KANK1: variants seen among roughly 807,000 people sequenced by gnomAD.
KANK1 encodes the protein KN motif and ankyrin repeat domains 1.
In KANK1, 109 loss-of-function variants were observed where a neutral mutation model predicts 106.2. That is an observed-to-expected ratio of 1.03 (90% CI 0.88 to 1.20). The LOEUF is 1.20. Ranked by LOEUF, KANK1 falls within the 50% of genes most tolerant of loss-of-function variation. The probability of loss-of-function intolerance (pLI) is 0.00; values close to 1 mark genes in which losing one functional copy is unlikely to be tolerated. For missense variants in KANK1, 2,399 were observed against 1,710.7 expected, an observed-to-expected ratio of 1.40 and a Z score of -7.10; for synonymous variants, 873 against 652.2, an observed-to-expected ratio of 1.34 and a Z score of -5.16.
chr9:729,222 A>G (rs966772494), intron 3 of KANK1, among the ~76,000 whole-genome samples: 3 of 152,242 alleles, frequency 2.0e-5, no homozygotes, highest in African/African-American at 7.2e-5. Flanking sequence ...GTTGATCAGA[A>G]CTGTTTGATG....
chr9:657,008 A>C (rs1295975636), intron 1 of KANK1, among the ~76,000 whole-genome samples: 3 of 152,070 alleles, frequency 2.0e-5, no homozygotes, highest in Non-Finnish European at 4.4e-5. Context: ...ATTTCACATG[A>C]CTAAAATGCT....
chr9:729,794 A>T (rs867875262), intron 3 of KANK1, among the ~76,000 whole-genome samples: 2 of 152,174 alleles, frequency 1.3e-5, no homozygotes, highest in Non-Finnish European at 2.9e-5. Flanking sequence ...TGCTACTTCC[A>T]TGACTAGAAA....
intron 9 of KANK1, among the ~76,000 whole-genome samples, chr9:741,604 C>T (rs999719346): frequency 6.6e-6 from 1 of 151,804 alleles, no homozygotes; most frequent in African/African-American, 2.4e-5. Context: ...TCTCCTGCCT[C>T]AGCCTCCCAA....
Position 521,615 on chromosome 9 carries a change from G to T in KANK1, c.-84+16861G>T, listed in dbSNP as rs568073251. Among the ~76,000 whole-genome samples the T allele has an allele frequency of 4.9e-4, 71 of 144,308 alleles. 2 individuals carry two copies. The South Asian group carries it at 0.015, about 31-fold the overall frequency. 94.7% of individuals were successfully genotyped at this position (144,308 alleles called of 152,430 possible). ...CAGAGTTTTGCTCGTCACCCAGGCT[G>T]GAGTGCAATGGTGTGATCTTGGGTC... is the stretch of plus-strand genomic sequence containing the variant. On this transcript the variant is annotated intron_variant, in intron 1 of 11. Coordinates refer to ENST00000382297, the MANE Select transcript of KANK1 (RefSeq NM_015158.5).
At chr9:672,274 T>C (rs1230533836) in intron 1 of KANK1, among the ~76,000 whole-genome samples, 1 of 152,126 alleles carries the variant, frequency 6.6e-6, no homozygotes, top group Admixed American at 6.5e-5. Flanking sequence ...CTTTGTAGGG[T>C]TGTTGTGAAG....
chr9:639,612 T>A (rs186744082), intron 1 of KANK1, among the ~76,000 whole-genome samples: 2 of 152,262 alleles, frequency 1.3e-5, no homozygotes, highest in Admixed American at 1.3e-4. Context: ...CCACTGCGCC[T>A]GGCCTGATCT....
chr9:594,969 T>C (rs1189245028), intron 1 of KANK1, among the ~76,000 whole-genome samples: 1 of 151,842 alleles, frequency 6.6e-6, no homozygotes, highest in Non-Finnish European at 1.5e-5. Context: ...TCTTTTCTTA[T>C]TATAGAAACA....
At chr9:470,729 C>CT in intron 2 of KANK1, 1 of 152,432 alleles carries the variant, frequency 6.6e-6, no homozygotes. Context: ...TCCACCGTGG[C>CT]CCCCAGCCAA....
At chr9:601,795 T>C (rs1417095139) in intron 1 of KANK1, among the ~76,000 whole-genome samples, 1 of 151,890 alleles carries the variant, frequency 6.6e-6, no homozygotes, top group Non-Finnish European at 1.5e-5. Flanking sequence ...TGGCATCCCC[T>C]GATGCTCTAG....
chr9:552,982 A>C (rs948383366), intron 1 of KANK1, among the ~76,000 whole-genome samples: 1 of 152,080 alleles, frequency 6.6e-6, no homozygotes, highest in African/African-American at 2.4e-5. Flanking sequence ...CCTTCTCTAC[A>C]AAAAAATTAG....
intron 3 of KANK1, among the ~76,000 whole-genome samples, chr9:725,184 T>C (rs1328840050): frequency 1.3e-5 from 2 of 152,150 alleles, no homozygotes; most frequent in Non-Finnish European, 2.9e-5. Flanking sequence ...TGAGTTCTCG[T>C]TCAGCTCTGT....
intron 2 of KANK1, among the ~76,000 whole-genome samples, chr9:687,204 CCTT>C (rs1284025571): frequency 6.6e-6 from 1 of 152,024 alleles, no homozygotes; most frequent in African/African-American, 2.4e-5. Context: ...TTGCCATTTT[CCTT>C]CTTTGTGTAA....
intron 2 of KANK1, among the ~76,000 whole-genome samples, chr9:708,747 A>G (rs970522261): frequency 2.6e-5 from 4 of 152,160 alleles, no homozygotes; most frequent in African/African-American, 9.7e-5. Flanking sequence ...ACAGCAGTCA[A>G]GTGGGTTTGT....
intron 1 of KANK1, among the ~76,000 whole-genome samples, chr9:638,283 G>C (rs1272890006): frequency 3.3e-5 from 5 of 152,142 alleles, no homozygotes; most frequent in African/African-American, 4.8e-5. Flanking sequence ...CAAGATCAGG[G>C]GGACATGTGG....
chr9:481,684 A>G (rs759228682), intron 3 of KANK1, among the ~76,000 whole-genome samples: 1 of 152,166 alleles, frequency 6.6e-6, no homozygotes, highest in Non-Finnish European at 1.5e-5. Context: ...AGAATAGGCA[A>G]GGCTTGAGTG....
chr9:518,535 T>G (rs776032981), intron 1 of KANK1, among the ~76,000 whole-genome samples: 12 of 151,880 alleles, frequency 7.9e-5, no homozygotes, highest in African/African-American at 2.9e-4. Flanking sequence ...CTCTACTATT[T>G]CCTGCGAGGT....
chr9:702,632 T>C (rs954956739), intron 2 of KANK1, among the ~76,000 whole-genome samples: 2 of 152,094 alleles, frequency 1.3e-5, no homozygotes, highest in Admixed American at 6.5e-5. Flanking sequence ...CTGGGTATTA[T>C]AACATTTTAA....
At chr9:519,079 G>A (rs113497730) in intron 1 of KANK1, among the ~76,000 whole-genome samples, 23 of 151,448 alleles carry the variant, frequency 1.5e-4, no homozygotes, top group Admixed American at 4.6e-4. Context: ...TAATAGAAAC[G>A]GGGTTTCTCC....
intron 1 of KANK1, among the ~76,000 whole-genome samples, chr9:671,169 T>G (rs1452792746): frequency 6.6e-6 from 1 of 152,006 alleles, no homozygotes; most frequent in South Asian, 2.1e-4. Flanking sequence ...CCTGCCTTAG[T>G]TTTTATGCAT....
Sources: gnomAD v4.1 joint callset for allele counts (sites outside exome capture counted in the v4.1 genomes callset) on GRCh38, gnomAD v4.1.1 for gene constraint, MANE v1.5 for transcripts, NCBI Gene and HGNC (gene_info 2026-07-23, HGNC 2026-07-21) for gene names.